The following SLC6A11 variants were observed in gnomAD, a reference collection of about 807,000 sequenced individuals.
The protein encoded by SLC6A11 is solute carrier family 6 member 11.
In SLC6A11, 25 loss-of-function variants were observed where a neutral mutation model predicts 74.8. The observed-to-expected ratio is 0.33, with a 90% CI of 0.24 to 0.47. SLC6A11 has a LOEUF of 0.47. Among genes scored for constraint, SLC6A11 ranks in the 20% least tolerant of loss-of-function variants. The probability of loss-of-function intolerance (pLI) is 1.00; values close to 1 mark genes in which losing one functional copy is unlikely to be tolerated. For synonymous variants in SLC6A11, 330 were observed against 330.2 expected (o/e 1.00, Z 0.01); for missense variants, 574 against 837.0 (o/e 0.69, Z 3.88).
intron 3 of SLC6A11, among the ~76,000 whole-genome samples, chr3:10,822,015 G>C (rs561063949): frequency 1.3e-5 from 2 of 152,346 alleles, no homozygotes; most frequent in South Asian, 4.1e-4. Flanking sequence ...GCCAAGAGGA[G>C]CAAGAAGCAG....
chr3:10,883,819 GT>G (rs1695010682), intron 6 of SLC6A11, among the ~76,000 whole-genome samples: 1 of 151,776 alleles, frequency 6.6e-6, no homozygotes, highest in Admixed American at 6.6e-5. Flanking sequence ...ATTATATACG[GT>G]TTTGAAAATA....
At chr3:10,933,358 C>A in intron 11 of SLC6A11, 105 bp downstream of exon 11, 1 of 758,378 alleles carries the variant, frequency 1.3e-6, no homozygotes, top group Non-Finnish European at 2.3e-6. Flanking sequence ...TTATCTTGGT[C>A]TATACTGGCC....
rs1694890404 is a variant in SLC6A11 at position 10,874,981 on chromosome 3, A to G, written c.777A>G (p.Thr259=). Residue 259 remains threonine (T), a synonymous_variant, in exon 6 of 14, where the codon ACA becomes ACG. Coordinates refer to ENST00000254488, the MANE Select transcript of SLC6A11 (RefSeq NM_014229.3). The stretch of plus-strand genomic sequence containing the variant: ...CACAGGTTGTATACGTGACTGCGAC[A>G]TTCCCCTACATCATGCTGCTGATCC... ...STGKVVYVTA[T]FPYIMLLILL... is the part of the protein sequence containing the mutation. 6.2e-7 allele frequency: 1 copy of G among 1,612,582 alleles called. No individual in the cohort carries two copies.
chr3:10,853,608 T>C (rs1450120195), intron 5 of SLC6A11, among the ~76,000 whole-genome samples: 2 of 152,168 alleles, frequency 1.3e-5, no homozygotes, highest in African/African-American at 2.4e-5. Context: ...TGGGACTCTC[T>C]ACACAGCTGA....
rs763192317 is a variant in SLC6A11, at chr3:10,874,954, T to G, written c.757-7T>G. 1.2e-6 allele frequency: 2 copies of G among 1,603,872 alleles called. No individual in the cohort carries two copies. The highest frequency in any genetic ancestry group is 1.7e-6 in the Non-Finnish European group (2 of 1,173,452). ...TTCTTGATTCTGTCCTCTCCTCTTG[T>G]GCACAGGTTGTATACGTGACTGCGA... On this transcript the variant is annotated splice_region_variant and splice_polypyrimidine_tract_variant and intron_variant, in intron 5 of 13. Coordinates refer to ENST00000254488, the MANE Select transcript of SLC6A11 (RefSeq NM_014229.3).
chr3:10,935,214 G>T lies in SLC6A11; in HGVS notation c.1746+15G>T. Reference sequence around the variant, plus strand: ...CACTGCCCGAGGTGAGACCGCCCCAGGAGGGCTGGTGCGTTTGGGCAGGGT... The same window carrying T: ...CACTGCCCGAGGTGAGACCGCCCCATGAGGGCTGGTGCGTTTGGGCAGGGT... On this transcript the variant is annotated intron_variant, in intron 13 of 13. Transcript: ENST00000254488. 6.2e-7 allele frequency: 1 copy of T among 1,613,402 alleles called. No individual in the cohort carries two copies. The highest frequency in any genetic ancestry group is 1.1e-5 in the South Asian group (1 of 91,024).
chr3:10,877,143 C>A (rs1334952341), intron 6 of SLC6A11, among the ~76,000 whole-genome samples: 2 of 152,182 alleles, frequency 1.3e-5, no homozygotes, highest in Non-Finnish European at 2.9e-5. Context: ...TGGAACACAG[C>A]CTGTTATTTG....
chr3:10,844,368 AG>A (rs1338417937), intron 5 of SLC6A11, 22 bp downstream of exon 5: 2 of 1,614,084 alleles, frequency 1.2e-6, no homozygotes, highest in South Asian at 2.2e-5. Flanking sequence ...ATCTTCAAGC[AG>A]CTAACCGTGG....
chr3:10,816,548 G>T lies in SLC6A11; in HGVS notation c.256+27G>T. 6.5e-7 allele frequency: 1 copy of T among 1,546,336 alleles called. No homozygotes were observed. The highest frequency in any genetic ancestry group is 8.7e-7 in the Non-Finnish European group (1 of 1,145,390). ...TGAGGTGATAGTGAGGAGAAGGGGA[G>T]GGGGCGCCAACCGCCCGGTGGGGGC... On this transcript the variant is annotated intron_variant, in intron 1 of 13. Coordinates refer to ENST00000254488, the MANE Select transcript of SLC6A11 (RefSeq NM_014229.3). The surrounding 1 kb of genome is among the most constrained non-coding windows in gnomAD (Gnocchi z 4.2).
chr3:10,868,164 G>T (rs1020757329), intron 5 of SLC6A11, among the ~76,000 whole-genome samples: 1 of 152,178 alleles, frequency 6.6e-6, no homozygotes, highest in African/African-American at 2.4e-5. Context: ...CCCAGAGAGG[G>T]TATGGAACTG....
At chr3:10,854,078 C>T (rs1194493955) in intron 5 of SLC6A11, among the ~76,000 whole-genome samples, 1 of 152,216 alleles carries the variant, frequency 6.6e-6, no homozygotes, top group African/African-American at 2.4e-5. Flanking sequence ...ATTGTCCAAA[C>T]AATATTTTTA....
At chr3:10,908,694 A>G (rs1156423888) in intron 6 of SLC6A11, among the ~76,000 whole-genome samples, 3 of 152,102 alleles carry the variant, frequency 2.0e-5, no homozygotes, top group African/African-American at 7.2e-5. Context: ...GAGGACAGAG[A>G]TGGAGTGCTA....
intron 5 of SLC6A11, among the ~76,000 whole-genome samples, chr3:10,874,033 C>T (rs1234023578): frequency 6.6e-6 from 1 of 152,218 alleles, no homozygotes; most frequent in Admixed American, 6.5e-5. Flanking sequence ...CTATCCTATC[C>T]TACGTTAGTC....
intron 5 of SLC6A11, among the ~76,000 whole-genome samples, chr3:10,874,050 A>G (rs773879224): frequency 1.3e-5 from 2 of 152,206 alleles, no homozygotes; most frequent in Non-Finnish European, 2.9e-5. Context: ...AGTCTAGCCT[A>G]TACTATCCTG....
chr3:10,898,350 A>G (rs1695196177), intron 6 of SLC6A11, among the ~76,000 whole-genome samples: 1 of 152,212 alleles, frequency 6.6e-6, no homozygotes, highest in Non-Finnish European at 1.5e-5. Context: ...CAAATTTATC[A>G]CATATCACAG....
In SLC6A11 at chr3:10,833,042, G is replaced by A. The variant is rs1054040539; in HGVS notation, c.623+9650G>A. ...ACCCCCATCTGCCAGGCACCAAGAA[G>A]CACTTCTCCATTGCCAATTAATTTT... On this transcript the variant is annotated intron_variant, in intron 4 of 13. Transcript: ENST00000254488. Among the ~76,000 whole-genome samples, 9 of 152,174 alleles carry A rather than the reference G, an allele frequency of 5.9e-5. No individual in the cohort carries two copies. In the East Asian group the frequency reaches 1.5e-3, roughly 26 times the overall value.
intron 6 of SLC6A11, among the ~76,000 whole-genome samples, chr3:10,895,160 G>C (rs1466314808): frequency 6.6e-6 from 1 of 152,134 alleles, no homozygotes; most frequent in Non-Finnish European, 1.5e-5. Context: ...AGGATTCCAA[G>C]GGCTGGGTTT....
chr3:10,933,299 AC>A, intron 11 of SLC6A11, 46 bp downstream of exon 11: 1 of 1,352,348 alleles, frequency 7.4e-7, no homozygotes, highest in Non-Finnish European at 1.1e-6. Context: ...CCCACCAGGT[AC>A]CCAGGATCCT....
chr3:10,846,540 T>C (rs539834857), intron 5 of SLC6A11, among the ~76,000 whole-genome samples: 8 of 152,352 alleles, frequency 5.3e-5, no homozygotes, highest in Admixed American at 2.6e-4. Flanking sequence ...GGTTTCACTT[T>C]AGCCATAAGG....
Sources: allele counts gnomAD v4.1 joint callset (sites outside exome capture counted in the v4.1 genomes callset), GRCh38; gene constraint gnomAD v4.1.1; non-coding constraint Gnocchi (gnomAD v3.1); transcripts MANE v1.5; gene names NCBI Gene and HGNC (gene_info 2026-07-23, HGNC 2026-07-21).